CTNNA2: variants seen among roughly 807,000 people sequenced by gnomAD.
CTNNA2 encodes catenin alpha-2.
Under a neutral mutation model 101.0 loss-of-function variants are expected in CTNNA2, and 42 were observed. That is an observed-to-expected ratio of 0.42 (90% CI 0.32 to 0.54). The LOEUF is 0.54. CTNNA2 is among the 20% of genes least tolerant of loss of function. The probability of loss-of-function intolerance (pLI) is 0.14; values close to 1 mark genes in which losing one functional copy is unlikely to be tolerated. For synonymous variants in CTNNA2, 450 were observed against 456.4 expected (o/e 0.99, Z 0.18); for missense variants, 871 against 1,223.1 (o/e 0.71, Z 4.29).
chr2:79,630,414 A>C (rs1679610688), intron 1 of CTNNA2, among the ~76,000 whole-genome samples: 1 of 152,226 alleles, frequency 6.6e-6, no homozygotes, highest in African/African-American at 2.4e-5. Flanking sequence ...TTAAATATTA[A>C]TAGTCTATGA....
chr2:79,667,032 A>G (rs1201573595), intron 2 of CTNNA2, among the ~76,000 whole-genome samples: 2 of 152,212 alleles, frequency 1.3e-5, no homozygotes, highest in South Asian at 2.1e-4. Flanking sequence ...AAAAATACTT[A>G]AAGATCAACA....
At chr2:79,518,955 G>A (rs1027770883) in intron 1 of CTNNA2, among the ~76,000 whole-genome samples, 2 of 151,974 alleles carry the variant, frequency 1.3e-5, no homozygotes, top group Non-Finnish European at 2.9e-5. Context: ...AAGCCCAGGC[G>A]CAGTGTCTCA....
intron 7 of CTNNA2, among the ~76,000 whole-genome samples, chr2:80,041,275 T>A (rs61502627): frequency 0.011 from 1,745 of 152,146 alleles, 22 homozygotes; most frequent in African/African-American, 0.037. Flanking sequence ...TTTTATTTTT[T>A]TTTTTTTACT....
At chr2:79,297,288 C>T (rs1351476621) in intron 2 of CTNNA2, among the ~76,000 whole-genome samples, 3 of 152,164 alleles carry the variant, frequency 2.0e-5, no homozygotes, top group Non-Finnish European at 4.4e-5. Flanking sequence ...CCCACATCCA[C>T]TAACACTCTA....
At chr2:80,069,040 T>C (rs1027939356) in intron 7 of CTNNA2, among the ~76,000 whole-genome samples, 13 of 152,304 alleles carry the variant, frequency 8.5e-5, no homozygotes, top group African/African-American at 3.1e-4. Flanking sequence ...GAGGCCAAAA[T>C]GTCCCCTGAT....
intron 4 of CTNNA2, among the ~76,000 whole-genome samples, chr2:79,489,481 T>G (rs1671188952): frequency 1.3e-5 from 2 of 152,180 alleles, no homozygotes; most frequent in African/African-American, 4.8e-5. Context: ...ACTCAATTAT[T>G]ATGATCTAGG....
chr2:80,072,865 C>G (rs993880638), intron 7 of CTNNA2, among the ~76,000 whole-genome samples: 3 of 152,038 alleles, frequency 2.0e-5, no homozygotes, highest in Non-Finnish European at 4.4e-5. Flanking sequence ...GAGGGGAAAA[C>G]GAGGGATGTT....
At position 80,201,078 on chromosome 2, in the gene CTNNA2, A is replaced by C. The variant is rs556456250; in HGVS notation, c.1057-192133A>C. Among the ~76,000 whole-genome samples the C allele has an allele frequency of 4.6e-4, 70 of 152,276 alleles. 1 individual carries two copies. The South Asian group carries it at 0.014, about 31-fold the overall frequency. On this transcript the variant is annotated intron_variant, in intron 7 of 18. Transcript: ENST00000402739. ...ATAACCTGCACACATCCTCTCATTT[A>C]CTTTAACCATCTCTAGATTAATTAA... is the stretch of plus-strand genomic sequence containing the variant.
intron 7 of CTNNA2, among the ~76,000 whole-genome samples, chr2:80,247,174 T>G (rs531627231): frequency 1.1e-4 from 16 of 152,280 alleles, no homozygotes; most frequent in African/African-American, 3.8e-4. Flanking sequence ...AAAGCTCTTC[T>G]AAAGCTGCAG....
intron 7 of CTNNA2, among the ~76,000 whole-genome samples, chr2:80,126,613 TC>T (rs1702128874): frequency 3.2e-5 from 1 of 31,250 alleles, no homozygotes; most frequent in African/African-American, 1.4e-4. Flanking sequence ...CCTCCCTCCC[TC>T]CCTCCCTCCC....
intron 7 of CTNNA2, among the ~76,000 whole-genome samples, chr2:80,385,380 A>G (rs190284315): frequency 1.1e-4 from 17 of 152,304 alleles, no homozygotes; most frequent in Non-Finnish European, 1.9e-4. Context: ...ATGTGAACAC[A>G]CAAAAAGAAG....
At position 79,715,205 on chromosome 2, in the gene CTNNA2, C is replaced by CAA. The variant is rs140432724; in HGVS notation, c.103-29159_103-29158dup. On this transcript the variant is annotated intron_variant, in intron 2 of 18. Coordinates refer to ENST00000402739, the MANE Select transcript of CTNNA2 (RefSeq NM_001282597.3). ...CTGGGCAACAAGAGCAAAATTCCGT[C>CAA]AAAAAAAAAAAAAAAAAAAAAAAAC... Among the ~76,000 whole-genome samples the CAA allele has an allele frequency of 7.8e-3, 517 of 66,204 alleles. 22 individuals carry two copies. The highest frequency in any genetic ancestry group is 0.025 in the African/African-American group (369 of 15,034). The allele number at this position is 66,204 out of a possible 152,430, so 43.4% of individuals were successfully genotyped here.
At chr2:79,431,474 AT>A (rs1399214148) in intron 4 of CTNNA2, among the ~76,000 whole-genome samples, 1 of 152,184 alleles carries the variant, frequency 6.6e-6, no homozygotes, top group African/African-American at 2.4e-5. Flanking sequence ...TGAATACAAA[AT>A]TGCAAAGGAA....
chr2:80,368,363 A>G (rs1022344075), intron 7 of CTNNA2, among the ~76,000 whole-genome samples: 3 of 152,176 alleles, frequency 2.0e-5, no homozygotes, highest in Admixed American at 6.6e-5. Context: ...TATTAGTAGT[A>G]ATAGGGTGCA....
chr2:79,658,520 T>G (rs772068256), intron 2 of CTNNA2, among the ~76,000 whole-genome samples: 1 of 151,988 alleles, frequency 6.6e-6, no homozygotes, highest in Non-Finnish European at 1.5e-5. Flanking sequence ...TTAATGGAGA[T>G]TTATAAAAAC....
chr2:80,500,408 T>A (rs1372059700), intron 9 of CTNNA2, among the ~76,000 whole-genome samples: 2 of 152,144 alleles, frequency 1.3e-5, no homozygotes, highest in Non-Finnish European at 2.9e-5. Flanking sequence ...CCCATCCGCC[T>A]ACCCATCTAT....
chr2:80,590,513 A>C (rs971642541), intron 15 of CTNNA2, among the ~76,000 whole-genome samples: 6 of 152,090 alleles, frequency 3.9e-5, no homozygotes, highest in African/African-American at 1.4e-4. Flanking sequence ...ATAATGTAAG[A>C]TATATGGGAA....
chr2:80,438,848 C>T (rs1435639637), intron 9 of CTNNA2, among the ~76,000 whole-genome samples: 2 of 152,122 alleles, frequency 1.3e-5, no homozygotes, highest in Non-Finnish European at 2.9e-5. Context: ...TGAAAAATCA[C>T]AGGAGACCTT....
chr2:80,593,027 G>T (rs114737973), intron 15 of CTNNA2, among the ~76,000 whole-genome samples: 1 of 152,276 alleles, frequency 6.6e-6, no homozygotes, highest in Non-Finnish European at 1.5e-5. Context: ...GTCCTAAAGA[G>T]AGAAGGTTTC....
Sources: allele counts gnomAD v4.1 joint callset (sites outside exome capture counted in the v4.1 genomes callset), GRCh38; gene constraint gnomAD v4.1.1; transcripts MANE v1.5; gene names NCBI Gene and HGNC (gene_info 2026-07-23, HGNC 2026-07-21).